The following SYNE2 variants were observed in gnomAD, a reference collection of about 807,000 sequenced individuals.
SYNE2 encodes the protein nesprin-2.
A neutral mutation model predicts 856.3 loss-of-function variants in SYNE2; 431 were observed. The observed-to-expected ratio is 0.50, with a 90% CI of 0.47 to 0.55. The LOEUF is 0.55. SYNE2 is among the 20% of genes least tolerant of loss of function. The pLI is 0.00. For synonymous variants in SYNE2, 2,923 were observed against 2,872.3 expected (o/e 1.02, Z -0.56); for missense variants, 8,129 against 8,023.2 (o/e 1.01, Z -0.50).
chr14:64,132,725 T>G (rs1045460586), intron 77 of SYNE2, among the ~76,000 whole-genome samples: 2 of 152,110 alleles, frequency 1.3e-5, no homozygotes, highest in African/African-American at 4.8e-5. Flanking sequence ...ATGAGATCAT[T>G]TGGGTGAAAC....
intron 99 of SYNE2, chr14:64,196,990 GT>G (rs1567614753): frequency 1.3e-5 from 2 of 152,410 alleles, no homozygotes; most frequent in African/African-American, 4.8e-5. Flanking sequence ...TGCTGAACCA[GT>G]GAAGAGGGCA....
intron 45 of SYNE2, chr14:64,034,739 T>A (rs772797704): frequency 2.1e-4 from 84 of 394,024 alleles, no homozygotes; most frequent in Non-Finnish European, 3.2e-4. Flanking sequence ...TTTTTATAGA[T>A]GCGTATTTCT....
intron 45 of SYNE2, among the ~76,000 whole-genome samples, chr14:64,041,093 A>C (rs1240565550): frequency 6.6e-6 from 1 of 152,200 alleles, no homozygotes; most frequent in East Asian, 1.9e-4. Flanking sequence ...AATAGCTGTC[A>C]ACCTAGCTGA....
chr14:64,016,207 G>A (rs377210695), intron 32 of SYNE2, among the ~76,000 whole-genome samples: 7 of 151,772 alleles, frequency 4.6e-5, no homozygotes, highest in Admixed American at 6.6e-5. Flanking sequence ...CAAGAAATAT[G>A]GTTTTAGACC....
rs58206563 is a variant in SYNE2, at chr14:64,211,835, C to A, written c.18724-126C>A. ...AGTGCTTCTGGGGCTTTCTGGGTAC[C>A]CTAGAGGCAGATTTCTCCCTGAGTA... On this transcript the variant is annotated intron_variant, in intron 103 of 115. Transcript: ENST00000555002. 1.4e-3 allele frequency: 1,973 copies of A among 1,415,600 alleles called. 18 individuals carry two copies. The African/African-American group carries it at 0.019, about 13-fold the overall frequency. 87.7% of individuals were successfully genotyped at this position (1,415,600 alleles called of 1,614,324 possible). A position where few individuals can be genotyped will look rare whatever the true frequency, so the allele number is the denominator to read the frequency against.
Position 64,049,804 on chromosome 14 carries a change from A to C in SYNE2, c.7571A>C (p.Asp2524Ala). 6.2e-7 allele frequency: 1 copy of C among 1,614,128 alleles called. No homozygotes were observed. The highest frequency in any genetic ancestry group is 8.5e-7 in the Non-Finnish European group (1 of 1,180,014). ...NKESQYCVLR[D>A]FQEYLAAVES... ...GAAAGCCAATATTGTGTCCTCAGAGATTTTCAGGAATACCTTGCTGCAGTT... is the reference window on the plus strand; with the variant it reads ...GAAAGCCAATATTGTGTCCTCAGAGCTTTTCAGGAATACCTTGCTGCAGTT... The change falls in exon 47 of 116, where the codon GAT becomes GCT. Residue 2524 changes from aspartate (D) to alanine (A), a missense_variant. This residue lies in a region of SYNE2 where 5,410 missense variants were observed against 5,284.8 expected (regional missense o/e 1.02). Coordinates refer to ENST00000555002, the MANE Select transcript of SYNE2 (RefSeq NM_182914.3).
upstream of SYNE2, among the ~76,000 whole-genome samples, chr14:63,761,818 A>T (rs1317513931): frequency 6.6e-6 from 1 of 152,158 alleles, no homozygotes; most frequent in African/African-American, 2.4e-5. Flanking sequence ...ATCAGCATCT[A>T]CTACAGTGAA....
At chr14:64,203,800 C>G (rs1309662707) in intron 100 of SYNE2, among the ~76,000 whole-genome samples, 1 of 152,178 alleles carries the variant, frequency 6.6e-6, no homozygotes, top group Non-Finnish European at 1.5e-5. Flanking sequence ...CATGTTAAGC[C>G]TCCACCACAC....
chr14:63,942,252 A>C, intron 6 of SYNE2, 109 bp downstream of exon 6: 2 of 736,006 alleles, frequency 2.7e-6, no homozygotes, highest in Non-Finnish European at 2.4e-6. Context: ...TCTCCTATAA[A>C]TAGGACCTCT....
intron 9 of SYNE2, among the ~76,000 whole-genome samples, chr14:63,962,746 T>C (rs1383595702): frequency 2.6e-5 from 4 of 152,204 alleles, no homozygotes; most frequent in African/African-American, 9.7e-5. Context: ...TTCACCATGT[T>C]GGCCAGGCTG....
chr14:63,991,597 G>A (rs533711493), intron 21 of SYNE2, among the ~76,000 whole-genome samples: 1 of 152,276 alleles, frequency 6.6e-6, no homozygotes, highest in East Asian at 1.9e-4. Context: ...ACCCAATAAT[G>A]TTTTGTATGG....
intron 102 of SYNE2, 36 bp downstream of exon 102, chr14:64,209,614 A>T: frequency 6.2e-7 from 1 of 1,612,436 alleles, no homozygotes; most frequent in East Asian, 2.2e-5. Flanking sequence ...CCTGATCATA[A>T]CCAAGCCTGC....
intron 1 of SYNE2, among the ~76,000 whole-genome samples, chr14:63,840,688 A>G (rs575946085): frequency 5.9e-5 from 9 of 152,196 alleles, no homozygotes; most frequent in Non-Finnish European, 1.2e-4. Flanking sequence ...AACAAGATAT[A>G]TCCCTTCACT....
intron 1 of SYNE2, among the ~76,000 whole-genome samples, chr14:63,903,116 A>G (rs908357042): frequency 6.6e-6 from 1 of 152,182 alleles, no homozygotes; most frequent in Non-Finnish European, 1.5e-5. Flanking sequence ...ATTCCTCCCT[A>G]GAAATGTCAG....
Position 63,986,608 on chromosome 14 carries a change from A to T in SYNE2, c.2304A>T (p.Glu768Asp). 2 of 1,614,144 alleles carry T rather than the reference A, an allele frequency of 1.2e-6. No individual in the cohort carries two copies. The highest frequency in any genetic ancestry group is 4.5e-5 in the East Asian group (2 of 44,874). ...ATGATGTGGACACCTCAATGGAAGA[A>T]TCTTTGAAGGTATGTGTGTAAAAGT... The part of the protein sequence containing the change: ...DQDDVDTSME[E>D]SLKHLIAKGS... The change falls in exon 19 of 116, where the codon GAA becomes GAT. Residue 768 changes from glutamate (E) to aspartate (D), a missense_variant. Coordinates refer to ENST00000555002, the MANE Select transcript of SYNE2 (RefSeq NM_182914.3).
chr14:64,138,015 A>G lies in SYNE2; in HGVS notation c.14843+32A>G, dbSNP rs1039650078. ...CTTTTTGGGGGTGGATTGGCTTCAT[A>G]TTGTGCTGTGAAGAAAGACCTCGGG... On this transcript the variant is annotated intron_variant, in intron 79 of 115. Coordinates refer to ENST00000555002, the MANE Select transcript of SYNE2 (RefSeq NM_182914.3). The G allele has an allele frequency of 2.5e-6, 4 of 1,599,988 alleles. No homozygotes were observed. The African/African-American group carries it at 4.0e-5, about 16-fold the overall frequency.
chr14:63,900,720 C>T (rs545370902), intron 1 of SYNE2, among the ~76,000 whole-genome samples: 28 of 152,220 alleles, frequency 1.8e-4, no homozygotes, highest in African/African-American at 6.7e-4. Flanking sequence ...TTACAAATCA[C>T]CTGACCTGGA....
chr14:63,894,732 A>G (rs1490662595), intron 1 of SYNE2, among the ~76,000 whole-genome samples: 3 of 152,204 alleles, frequency 2.0e-5, no homozygotes, highest in African/African-American at 7.2e-5. Context: ...TTAGGAATAT[A>G]TTTTTATTAT....
Position 64,025,273 on chromosome 14 carries a change from A to T in SYNE2, c.6104A>T (p.Glu2035Val). 2 of 1,614,162 alleles carry T rather than the reference A, an allele frequency of 1.2e-6. No individual in the cohort carries two copies. The highest frequency in any genetic ancestry group is 1.7e-6 in the Non-Finnish European group (2 of 1,179,994). ...AGACAACTAAGTGAAATCGAGGAAG[A>T]GGATAAGTTACTACCCACAGAGGAC... ...LLRQLSEIEE[E>V]DKLLPTEDQS... The change falls in exon 41 of 116, where the codon GAG (glutamate) becomes GTG (valine). Residue 2035 changes from glutamate to valine, a missense_variant. Transcript: ENST00000555002.
Sources: allele counts gnomAD v4.1 joint callset (sites outside exome capture counted in the v4.1 genomes callset), GRCh38; gene constraint gnomAD v4.1.1; regional missense constraint gnomAD v4.1.1; transcripts MANE v1.5; gene names NCBI Gene and HGNC (gene_info 2026-07-23, HGNC 2026-07-21).